Variants in KIAA1549L observed in about 807,000 individuals in gnomAD.
The protein encoded by KIAA1549L is UPF0606 protein KIAA1549L.
Under a neutral mutation model 160.7 loss-of-function variants are expected in KIAA1549L, and 88 were observed. The ratio of observed to expected loss-of-function variants is 0.55; its 90% confidence interval spans 0.46 to 0.65. The LOEUF (loss-of-function observed/expected upper bound fraction) is 0.65. KIAA1549L is among the 30% of genes least tolerant of loss of function. The pLI, the probability that KIAA1549L is intolerant of heterozygous loss-of-function variation, is 0.00. For missense variants in KIAA1549L, 2,258 were observed against 2,437.5 expected (o/e 0.93, Z 1.55); for synonymous variants, 950 against 976.7 (o/e 0.97, Z 0.51).
intron 13 of KIAA1549L, 109 bp downstream of exon 13, chr11:33,599,056 C>G: frequency 1.5e-6 from 2 of 1,312,820 alleles, no homozygotes; most frequent in Non-Finnish European, 2.1e-6. Flanking sequence ...GGGCTCTGAC[C>G]CTCAGTCGTT....
chr11:33,590,195 T>A (rs1187424679), intron 11 of KIAA1549L, among the ~76,000 whole-genome samples: 1 of 152,238 alleles, frequency 6.6e-6, no homozygotes, highest in African/African-American at 2.4e-5. Flanking sequence ...AATTGTATCA[T>A]GTTTATACTA....
intron 15 of KIAA1549L, among the ~76,000 whole-genome samples, chr11:33,617,629 C>G (rs994504731): frequency 2.0e-5 from 3 of 152,186 alleles, no homozygotes; most frequent in Admixed American, 2.0e-4. Flanking sequence ...CTTAATAGCA[C>G]TTATCACTCT....
At chr11:33,426,189 T>C (rs1240295331) in intron 1 of KIAA1549L, among the ~76,000 whole-genome samples, 1 of 152,206 alleles carries the variant, frequency 6.6e-6, no homozygotes, top group Non-Finnish European at 1.5e-5. Context: ...GTATTATGGT[T>C]ATGTAGGATA....
chr11:33,568,266 G>T lies in KIAA1549L; in HGVS notation c.4230+39G>T, dbSNP rs1222303026. 4 of 1,560,550 alleles carry T rather than the reference G, an allele frequency of 2.6e-6. No individual in the cohort carries two copies. In the Admixed American group the frequency reaches 7.1e-5, roughly 28 times the overall value. ...GAGCCACTGGGGTTTTCTAATAACT[G>T]GGGGTAGAGGGGGGGATGTGCTTCC... On this transcript the variant is annotated intron_variant, in intron 9 of 20. Transcript: ENST00000658780.
intron 13 of KIAA1549L, among the ~76,000 whole-genome samples, chr11:33,603,762 T>C (rs2133315391): frequency 6.7e-6 from 1 of 149,408 alleles, no homozygotes; most frequent in Non-Finnish European, 1.5e-5. Context: ...GCCGAAATCA[T>C]GCCATTGCAC....
chr11:33,543,845 A>G lies in KIAA1549L; in HGVS notation c.2282A>G (p.Asp761Gly). ...ADAIKSQDFKDTAGHSVTAEG... is the reference protein window; with the variant it reads ...ADAIKSQDFKGTAGHSVTAEG... ...GCCATAAAATCTCAGGATTTCAAAG[A>G]TACTGCTGGGCATTCAGTGACTGCA... The change falls in exon 2 of 21, where the codon GAT (aspartate) becomes GGT (glycine). Residue 761 changes from aspartate (D) to glycine (G), a missense_variant. This residue lies in a region of KIAA1549L where 287 missense variants were observed against 292.3 expected (regional missense o/e 0.98). Transcript: ENST00000658780. 1 of 1,614,044 alleles carries G rather than the reference A, an allele frequency of 6.2e-7. No individual in the cohort carries two copies. Among genetic ancestry groups the G allele is most frequent in the Non-Finnish European group, 8.5e-7 (1 of 1,179,894 alleles).
intron 1 of KIAA1549L, chr11:33,450,585 C>CAA (rs11453430): frequency 6.4e-5 from 8 of 124,844 alleles, no homozygotes; most frequent in East Asian, 2.9e-4. Context: ...ACAACAACAA[C>CAA]AACAAAAAAG....
At chr11:33,598,671 GT>G (rs1447342509) in intron 12 of KIAA1549L, 148 bp from the exon 13 acceptor site, 2 of 993,802 alleles carry the variant, frequency 2.0e-6, no homozygotes, top group East Asian at 2.8e-5. Flanking sequence ...GGGTGGTTTT[GT>G]TTTTTTCTTT....
intron 1 of KIAA1549L, among the ~76,000 whole-genome samples, chr11:33,420,011 G>A (rs1850972658): frequency 6.6e-6 from 1 of 152,114 alleles, no homozygotes; most frequent in African/African-American, 2.4e-5. Context: ...GGCCTAATAA[G>A]TCCAGAACAT....
chr11:33,402,707 C>T (rs897929841), intron 1 of KIAA1549L, among the ~76,000 whole-genome samples: 2 of 152,164 alleles, frequency 1.3e-5, no homozygotes, highest in African/African-American at 4.8e-5. Context: ...GAAGCCCTGG[C>T]CCCTGGCTCC....
chr11:33,455,354 G>A (rs954192224), intron 1 of KIAA1549L, among the ~76,000 whole-genome samples: 2 of 152,172 alleles, frequency 1.3e-5, no homozygotes, highest in East Asian at 1.9e-4. Flanking sequence ...GTGGCTAATG[G>A]CTACCTTATT....
intron 1 of KIAA1549L, among the ~76,000 whole-genome samples, chr11:33,505,246 ACT>A (rs1565162099): frequency 6.6e-6 from 1 of 151,886 alleles, no homozygotes; most frequent in African/African-American, 2.4e-5. Context: ...AACAACCCAG[ACT>A]CTCTGAAGGG....
At position 33,673,375 on chromosome 11, in the gene KIAA1549L, T is replaced by C. The variant is rs1852716930; in HGVS notation, c.*5221T>C. 1.3e-5 allele frequency: 2 copies of C among 152,192 alleles called. No homozygotes were observed. Among genetic ancestry groups the C allele is most frequent in the African/African-American group, 2.4e-5 (1 of 41,444 alleles). 9.4% of individuals were successfully genotyped at this position (152,192 alleles called of 1,614,324 possible). On this transcript the variant is annotated 3_prime_UTR_variant, in exon 21 of 21. Transcript: ENST00000658780. ...CATAAATTACTGTGGCCCCATCTTA[T>C]TTCTCCTCATTTCTTCCTTATGTTT...
At chr11:33,606,528 T>G in intron 13 of KIAA1549L, 113 bp from the exon 14 acceptor site, 1 of 1,006,426 alleles carries the variant, frequency 9.9e-7, no homozygotes, top group Non-Finnish European at 1.4e-6. Context: ...CTGTCGTTTC[T>G]GAGGTTGTTT....
chr11:33,383,321 A>C (rs1850110616), intron 1 of KIAA1549L, among the ~76,000 whole-genome samples: 1 of 152,020 alleles, frequency 6.6e-6, no homozygotes, highest in South Asian at 2.1e-4. Flanking sequence ...TCCCCAGACA[A>C]AAATGAATAG....
At chr11:33,507,503 A>C (rs1373801286) in intron 1 of KIAA1549L, among the ~76,000 whole-genome samples, 1 of 152,192 alleles carries the variant, frequency 6.6e-6, no homozygotes, top group Non-Finnish European at 1.5e-5. Context: ...TGATGACGAC[A>C]ATGGAATTGG....
chr11:33,535,046 G>A (rs1002884960), intron 1 of KIAA1549L, among the ~76,000 whole-genome samples: 1 of 152,196 alleles, frequency 6.6e-6, no homozygotes, highest in African/African-American at 2.4e-5. Context: ...TGCATACATG[G>A]TATTGGCTGG....
intron 10 of KIAA1549L, among the ~76,000 whole-genome samples, chr11:33,577,732 C>A (rs867809720): frequency 6.6e-6 from 1 of 152,124 alleles, no homozygotes; most frequent in Non-Finnish European, 1.5e-5. Context: ...CAAAAAGTGC[C>A]GGAAGATTGA....
In KIAA1549L at chr11:33,507,109, G is replaced by A. The variant is rs184276715; in HGVS notation, c.239-34693G>A. Among the ~76,000 whole-genome samples the A allele has an allele frequency of 1.8e-4, 27 of 152,310 alleles. No homozygotes were observed. In the East Asian group the frequency reaches 4.1e-3, roughly 23 times the overall value. On this transcript the variant is annotated intron_variant, in intron 1 of 20. Transcript: ENST00000658780. ...CAAGGTGTAGCAGAAGGAACATAGG[G>A]AGATCTGGGTTTTATTGAATCGTGA...
Sources: gnomAD v4.1 joint callset for allele counts (sites outside exome capture counted in the v4.1 genomes callset) on GRCh38, gnomAD v4.1.1 for gene constraint, gnomAD v4.1.1 regional missense constraint, MANE v1.5 for transcripts, NCBI Gene and HGNC (gene_info 2026-07-23, HGNC 2026-07-21) for gene names.